NBAS: variants seen among roughly 807,000 people sequenced by gnomAD.
NBAS encodes NBAS subunit of NRZ tethering complex.
In NBAS, 219 loss-of-function variants were observed where a neutral mutation model predicts 302.5. The ratio of observed to expected loss-of-function variants is 0.72; its 90% confidence interval spans 0.65 to 0.81. The LOEUF (loss-of-function observed/expected upper bound fraction) is 0.81. NBAS is among the 30% of genes least tolerant of loss of function. NBAS has a pLI of 0.00. For synonymous variants in NBAS, 1,118 were observed against 1,021.6 expected (o/e 1.09, Z -1.80); for missense variants, 2,932 against 2,841.6 (o/e 1.03, Z -0.72).
chr2:15,137,712 G>A, the NBAS span, among the ~76,000 whole-genome samples: 1 of 152,142 alleles, frequency 6.6e-6, no homozygotes, highest in Non-Finnish European at 1.5e-5. Context: ...TTTGCCCAGG[G>A]AAATTTTACT....
At chr2:15,335,116 G>A (rs931833365) in intron 35 of NBAS, among the ~76,000 whole-genome samples, 3 of 150,244 alleles carry the variant, frequency 2.0e-5, no homozygotes, top group East Asian at 3.9e-4. Context: ...GTGGGAGGAC[G>A]GCTTGAGGCC....
At chr2:15,391,368 T>C (rs546496626) in intron 28 of NBAS, among the ~76,000 whole-genome samples, 1 of 104,734 alleles carries the variant, frequency 9.5e-6, no homozygotes, top group East Asian at 2.0e-4. Context: ...AAAATTGAAC[T>C]CTTAGAGATT....
At chr2:15,169,854 T>TGCACATGCTAATGCGTGCAC (rs1553334938) in intron 51 of NBAS, among the ~76,000 whole-genome samples, 1 of 152,256 alleles carries the variant, frequency 6.6e-6, no homozygotes, top group Non-Finnish European at 1.5e-5. Context: ...GCCACGTGCA[T>TGCACATGCTAATGCGTGCAC]GCACATGCTA....
the NBAS span, among the ~76,000 whole-genome samples, chr2:14,950,854 G>A: frequency 6.6e-6 from 1 of 152,166 alleles, no homozygotes; most frequent in Admixed American, 6.5e-5. Context: ...GAAATACAGT[G>A]CCTTTCAGTT....
At chr2:15,256,430 A>C (rs1668596260) in intron 44 of NBAS, among the ~76,000 whole-genome samples, 1 of 152,142 alleles carries the variant, frequency 6.6e-6, no homozygotes, top group Non-Finnish European at 1.5e-5. Context: ...CATTTACAAG[A>C]CCTAGAAGCT....
In NBAS at chr2:15,353,649, C is replaced by T; in HGVS notation, c.3993G>A (p.Leu1331=). The change falls in exon 34 of 52, where the codon TTG becomes TTA. Residue 1331 remains leucine (L), a synonymous_variant. Transcript: ENST00000281513. ...AAGCCATGAGCTCTTGACGAGTGGC[C>T]AAGTCCTGGTAACCTTCTGATTGTC... is the stretch of plus-strand genomic sequence containing the variant. ...QLGQSEGYQD[L]ATRQELMAFA... is the part of the protein sequence containing the mutation. 6.2e-7 allele frequency: 1 copy of T among 1,614,040 alleles called. No individual in the cohort carries two copies. Among genetic ancestry groups the T allele is most frequent in the Non-Finnish European group, 8.5e-7 (1 of 1,179,958 alleles).
chr2:15,050,660 A>G, the NBAS span, among the ~76,000 whole-genome samples: 3 of 152,202 alleles, frequency 2.0e-5, no homozygotes, highest in Non-Finnish European at 4.4e-5. Context: ...GAGCTGGGCT[A>G]CAGGCCAGCG....
At chr2:15,206,695 A>G (rs925739564) in intron 48 of NBAS, among the ~76,000 whole-genome samples, 3 of 152,242 alleles carry the variant, frequency 2.0e-5, no homozygotes, top group Non-Finnish European at 2.9e-5. Context: ...TGTGGCTAAA[A>G]GGGGCAAACA....
the NBAS span, among the ~76,000 whole-genome samples, chr2:14,804,696 T>G: frequency 6.6e-6 from 1 of 152,156 alleles, no homozygotes; most frequent in Admixed American, 6.5e-5. Context: ...CGATGTAAAG[T>G]AGATAAATAT....
At chr2:14,908,278 A>G in the NBAS span, among the ~76,000 whole-genome samples, 2 of 152,150 alleles carry the variant, frequency 1.3e-5, no homozygotes, top group East Asian at 3.9e-4. Flanking sequence ...CAGGAGAATG[A>G]CGTGAACCCG....
the NBAS span, among the ~76,000 whole-genome samples, chr2:15,034,223 G>GAAA: frequency 5.0e-5 from 1 of 20,164 alleles, no homozygotes; most frequent in African/African-American, 2.2e-4. Flanking sequence ...AGAAAGAGAG[G>GAAA]GAAAGAAAGA....
intron 46 of NBAS, among the ~76,000 whole-genome samples, chr2:15,233,140 C>T (rs1247299236): frequency 6.6e-6 from 1 of 152,174 alleles, no homozygotes; most frequent in Non-Finnish European, 1.5e-5. Flanking sequence ...GTGCCTACTA[C>T]ATTTTATTAA....
At chr2:15,522,695 C>T (rs1416122497) in intron 9 of NBAS, among the ~76,000 whole-genome samples, 3 of 152,114 alleles carry the variant, frequency 2.0e-5, no homozygotes, top group African/African-American at 4.8e-5. Context: ...CCAAGTTTAA[C>T]GTAGGAGCGA....
At chr2:15,561,093 C>A in intron 1 of NBAS, 95 bp downstream of exon 1, 1 of 1,061,752 alleles carries the variant, frequency 9.4e-7, no homozygotes, top group Admixed American at 1.7e-5. Context: ...CCCCCACCCA[C>A]CCGTCTCCAC....
At chr2:15,008,146 G>A in the NBAS span, among the ~76,000 whole-genome samples, 1 of 152,166 alleles carries the variant, frequency 6.6e-6, no homozygotes, top group Non-Finnish European at 1.5e-5. Flanking sequence ...ACAACCCACA[G>A]AGGTAATTAC....
At chr2:15,526,698 C>A (rs942676672) in intron 9 of NBAS, among the ~76,000 whole-genome samples, 1 of 152,138 alleles carries the variant, frequency 6.6e-6, no homozygotes, top group African/African-American at 2.4e-5. Context: ...CATCTCCAAA[C>A]TGACTGCCAC....
the NBAS span, among the ~76,000 whole-genome samples, chr2:14,835,049 G>A: frequency 1.3e-5 from 2 of 152,058 alleles, no homozygotes; most frequent in African/African-American, 2.4e-5. Context: ...TTTATTAAAC[G>A]TGGTGAGCAA....
intron 43 of NBAS, 54 bp from the exon 44 acceptor site, chr2:15,275,872 A>T: frequency 6.6e-7 from 1 of 1,511,862 alleles, no homozygotes; most frequent in Non-Finnish European, 9.1e-7. Context: ...GTAAACATAG[A>T]GTCACTTTCA....
chr2:15,497,462 G>A (rs960891892), intron 11 of NBAS, among the ~76,000 whole-genome samples: 2 of 152,146 alleles, frequency 1.3e-5, no homozygotes, highest in Admixed American at 6.5e-5. Flanking sequence ...GGGGATGAAG[G>A]ACTGGCTAGT....
Sources: gnomAD v4.1 joint callset for allele counts (sites outside exome capture counted in the v4.1 genomes callset) on GRCh38, gnomAD v4.1.1 for gene constraint, MANE v1.5 for transcripts, NCBI Gene and HGNC (gene_info 2026-07-23, HGNC 2026-07-21) for gene names.